ADGRE1: variants seen among roughly 807,000 people sequenced by gnomAD.
ADGRE1 encodes the protein EGF-like module receptor 1.
Under a neutral mutation model 102.7 loss-of-function variants are expected in ADGRE1, and 82 were observed. The observed-to-expected ratio is 0.80, with a 90% CI of 0.67 to 0.96. The LOEUF (loss-of-function observed/expected upper bound fraction) is 0.96. Among genes scored for constraint, ADGRE1 ranks in the 40% least tolerant of loss-of-function variants. ADGRE1 has a pLI of 0.00. For missense variants in ADGRE1, 1,032 were observed against 1,085.3 expected, an observed-to-expected ratio of 0.95 and a Z score of 0.69; for synonymous variants, 398 against 399.6, an observed-to-expected ratio of 1.00 and a Z score of 0.05.
chr19:6,900,093 CAA>C (rs35932450), intron 5 of ADGRE1, among the ~76,000 whole-genome samples: 6,553 of 129,598 alleles, frequency 0.051, 477 homozygotes, highest in African/African-American at 0.16. Context: ...GACTCCATCT[CAA>C]AAAAAAAAAA....
rs1406805381 is a variant in ADGRE1 at position 6,908,616 on chromosome 19, G to A, written c.1039-73G>A. 2.2e-6 allele frequency: 3 copies of A among 1,368,388 alleles called. No homozygotes were observed. The African/African-American group carries it at 4.4e-5, about 20-fold the overall frequency. 84.8% of individuals were successfully genotyped at this position (1,368,388 alleles called of 1,614,324 possible). On this transcript the variant is annotated intron_variant, in intron 9 of 20. Coordinates refer to ENST00000312053, the MANE Select transcript of ADGRE1 (RefSeq NM_001974.5). The stretch of plus-strand genomic sequence containing the variant: ...TATGATGGGCTTTATGGGCTAATTT[G>A]TAGATTACATGCTTGGGGGAATACA...
At chr19:6,925,952 C>T (rs772485901) in intron 15 of ADGRE1, among the ~76,000 whole-genome samples, 10 of 152,006 alleles carry the variant, frequency 6.6e-5, no homozygotes, top group Non-Finnish European at 1.2e-4. Flanking sequence ...CCTGCCTCAG[C>T]CTTCCAAAGT....
At chr19:6,939,983 T>A in intron 20 of ADGRE1, 41 bp from the exon 21 acceptor site, 2 of 1,612,462 alleles carry the variant, frequency 1.2e-6, no homozygotes, top group Non-Finnish European at 1.7e-6. Context: ...TTTGTATTAA[T>A]TCTGCTGCAG....
Position 6,919,640 on chromosome 19 carries a change from T to C in ADGRE1, c.1513T>C (p.Ser505Pro), listed in dbSNP as rs1381683639. ...FKDHQAPLTT[S>P]EIKLKMNSRV... Reference sequence around the variant, plus strand: ...AGACCACCAGGCTCCCTTGACCACCTCTGAGATCAAGCTGAAGATGAATTC... The same window carrying C: ...AGACCACCAGGCTCCCTTGACCACCCCTGAGATCAAGCTGAAGATGAATTC... Residue 505 changes from serine to proline, a missense_variant, in exon 13 of 21, where the codon TCT (serine) becomes CCT (proline). Ser to Pro is a moderately conservative substitution (Grantham distance 74, BLOSUM62 -1). Transcript: ENST00000312053. The C allele has an allele frequency of 1.2e-6, 2 of 1,613,368 alleles. No individual in the cohort carries two copies. The highest frequency in any genetic ancestry group is 1.7e-6 in the Non-Finnish European group (2 of 1,179,928).
Position 6,896,468 on chromosome 19 carries a change from T to C in ADGRE1, c.165T>C (p.Tyr55=). 2 of 1,614,158 alleles carry C rather than the reference T, an allele frequency of 1.2e-6. No individual in the cohort carries two copies. Among genetic ancestry groups the C allele is most frequent in the Non-Finnish European group, 1.7e-6 (2 of 1,179,992 alleles). The part of the protein sequence containing the change: ...ATCTNTVDSY[Y]CACKQGFLSS... ...GCACCAATACAGTGGACAGTTACTA[T>C]TGCGCTTGCAAACAAGGCTTCCTGT... The change falls in exon 3 of 21, where the codon TAT becomes TAC. Residue 55 remains tyrosine (Y), a synonymous_variant. Transcript: ENST00000312053.
chr19:6,899,495 A>G (rs186611445), intron 5 of ADGRE1, among the ~76,000 whole-genome samples: 2 of 152,160 alleles, frequency 1.3e-5, no homozygotes, highest in African/African-American at 4.8e-5. Context: ...CCTGGCGAAC[A>G]TGGTGAAACC....
intron 5 of ADGRE1, chr19:6,898,811 A>C: frequency 2.3e-6 from 1 of 439,672 alleles, no homozygotes; most frequent in Non-Finnish European, 4.1e-6. Context: ...AGGTAAAAAT[A>C]TATAGTTGCC....
At chr19:6,913,945 C>G in intron 11 of ADGRE1, 115 bp downstream of exon 11, 2 of 1,204,812 alleles carry the variant, frequency 1.7e-6, no homozygotes, top group Non-Finnish European at 2.3e-6. Context: ...TGTTTAAAAA[C>G]TTTGAATTCA....
At chr19:6,933,464 TG>T (rs1157544243) in intron 17 of ADGRE1, among the ~76,000 whole-genome samples, 1 of 151,634 alleles carries the variant, frequency 6.6e-6, no homozygotes, top group Non-Finnish European at 1.5e-5. Context: ...CTCTGCTCAT[TG>T]AAAGCTCTGC....
chr19:6,901,956 G>T lies in ADGRE1; in HGVS notation c.596G>T (p.Cys199Phe). 6.2e-7 allele frequency: 1 copy of T among 1,614,200 alleles called. No individual in the cohort carries two copies. The highest frequency in any genetic ancestry group is 8.5e-7 in the Non-Finnish European group (1 of 1,180,042). The part of the protein sequence containing the change: ...NNTVGNYSCF[C>F]NPGFESSSGH... Reference sequence around the variant, plus strand: ...ACTGTTGGAAACTACTCTTGTTTCTGCAACCCAGGATTTGAATCCAGCAGT... The same window carrying T: ...ACTGTTGGAAACTACTCTTGTTTCTTCAACCCAGGATTTGAATCCAGCAGT... The change falls in exon 6 of 21, where the codon TGC becomes TTC. Residue 199 changes from cysteine to phenylalanine, a missense_variant. Physicochemically the swap from Cys to Phe is radical, Grantham distance 205. Coordinates refer to ENST00000312053, the MANE Select transcript of ADGRE1 (RefSeq NM_001974.5).
At position 6,904,596 on chromosome 19, in the gene ADGRE1, C is replaced by G. The variant is rs1599725937; in HGVS notation, c.949+414C>G. ...TCTTGGCTCACTGCAAGCTCCACCT[C>G]CCGGGTTCACGCCATTCTTCTGCCT... On this transcript the variant is annotated intron_variant, in intron 8 of 20. Coordinates refer to ENST00000312053, the MANE Select transcript of ADGRE1 (RefSeq NM_001974.5). Among the ~76,000 whole-genome samples, 6 of 151,680 alleles carry G rather than the reference C, an allele frequency of 4.0e-5. 1 individual carries two copies. The highest frequency in any genetic ancestry group is 6.6e-5 in the Admixed American group (1 of 15,210).
chr19:6,890,220 A>G lies in ADGRE1; in HGVS notation c.32-261A>G, dbSNP rs1157154834. 2.0e-5 allele frequency among the ~76,000 whole-genome samples: 3 copies of G among 152,176 alleles called. No homozygotes were observed. The East Asian group carries it at 5.8e-4, about 29-fold the overall frequency. ...TGTGCACCACAGTGCTTAGCCTGGA[A>G]CTATTTAATCAAAAAGAAAAAGAAG... is the stretch of plus-strand genomic sequence containing the variant. On this transcript the variant is annotated intron_variant, in intron 1 of 20. Coordinates refer to ENST00000312053, the MANE Select transcript of ADGRE1 (RefSeq NM_001974.5).
intron 17 of ADGRE1, 162 bp downstream of exon 17, chr19:6,928,373 C>A: frequency 1.4e-6 from 2 of 1,480,074 alleles, no homozygotes. Context: ...CGCCTGTAAT[C>A]CCAGCACTTT....
Position 6,901,980 on chromosome 19 carries a change from G to A in ADGRE1, c.620G>A (p.Ser207Asn). 13 of 1,614,222 alleles carry A rather than the reference G, an allele frequency of 8.1e-6. No homozygotes were observed. The highest frequency in any genetic ancestry group is 1.1e-5 in the Non-Finnish European group (13 of 1,180,040). Residue 207 changes from serine (S) to asparagine (N), a missense_variant, in exon 6 of 21, where the codon AGT becomes AAT. By Grantham distance (46) the Ser-to-Asn change is conservative. Transcript: ENST00000312053. ...CFCNPGFESSSGHLSFQGLKA... is the reference protein window; with the variant it reads ...CFCNPGFESSNGHLSFQGLKA... ...TGCAACCCAGGATTTGAATCCAGCA[G>A]TGGCCACTTGAGTTTCCAGGGTCTC...
intron 11 of ADGRE1, 142 bp from the exon 12 acceptor site, chr19:6,916,107 A>T: frequency 1.2e-6 from 1 of 861,954 alleles, no homozygotes. Flanking sequence ...CATGGGCCTC[A>T]AGATCTTTCC....
intron 17 of ADGRE1, among the ~76,000 whole-genome samples, chr19:6,931,285 T>A (rs570097135): frequency 4.6e-5 from 7 of 152,356 alleles, no homozygotes; most frequent in Admixed American, 2.6e-4. Flanking sequence ...GGTTTTGTGC[T>A]GATGTCTATC....
At chr19:6,904,636 G>A (rs1356582602) in intron 8 of ADGRE1, among the ~76,000 whole-genome samples, 1 of 151,546 alleles carries the variant, frequency 6.6e-6, no homozygotes, top group African/African-American at 2.4e-5. Context: ...CTCCTGAGTA[G>A]CTGGGACTAC....
intron 9 of ADGRE1, 29 bp from the exon 10 acceptor site, chr19:6,908,660 T>A (rs1255173065): frequency 1.4e-6 from 2 of 1,471,214 alleles, no homozygotes; most frequent in Non-Finnish European, 1.8e-6. Flanking sequence ...TGCTCACAAA[T>A]GCTCTTTTTT....
chr19:6,908,479 T>C (rs1057092055), intron 9 of ADGRE1, among the ~76,000 whole-genome samples: 5 of 152,158 alleles, frequency 3.3e-5, no homozygotes, highest in Admixed American at 6.5e-5. Flanking sequence ...TTTGTTTATG[T>C]TTGCTTTTTT....
Sources: gnomAD v4.1 joint callset for allele counts (sites outside exome capture counted in the v4.1 genomes callset) on GRCh38, gnomAD v4.1.1 for gene constraint, MANE v1.5 for transcripts, NCBI Gene and HGNC (gene_info 2026-07-23, HGNC 2026-07-21) for gene names.